Variants in CCDC91 observed in about 807,000 individuals in gnomAD.
CCDC91 encodes coiled-coil domain containing 91.
A neutral mutation model predicts 63.2 loss-of-function variants in CCDC91; 48 were observed. The ratio of observed to expected loss-of-function variants is 0.76; its 90% CI spans 0.60 to 0.97. The LOEUF (loss-of-function observed/expected upper bound fraction) is 0.97. Among genes scored for constraint, CCDC91 ranks in the 50% least tolerant of loss-of-function variants. CCDC91 has a pLI of 0.00. For synonymous variants in CCDC91, 167 were observed against 165.8 expected (o/e 1.01, Z -0.06); for missense variants, 500 against 494.6 (o/e 1.01, Z -0.10).
chr12:28,216,686 G>C (rs549560154), intron 1 of CCDC91, among the ~76,000 whole-genome samples: 1 of 151,918 alleles, frequency 6.6e-6, no homozygotes, highest in East Asian at 1.9e-4. Context: ...ACAGGCAATC[G>C]TTGAGAGCAG....
intron 6 of CCDC91, among the ~76,000 whole-genome samples, chr12:28,357,273 A>T (rs1472447996): frequency 6.6e-6 from 1 of 152,146 alleles, no homozygotes; most frequent in Non-Finnish European, 1.5e-5. Context: ...GCATATTAAG[A>T]GTATGAAACT....
intron 8 of CCDC91, among the ~76,000 whole-genome samples, chr12:28,417,470 A>G (rs1462205380): frequency 6.6e-6 from 1 of 151,958 alleles, no homozygotes; most frequent in Non-Finnish European, 1.5e-5. Context: ...TTTATTTTTC[A>G]ATAGTGTTAT....
intron 11 of CCDC91, among the ~76,000 whole-genome samples, chr12:28,466,202 C>A (rs1950542223): frequency 6.6e-6 from 1 of 152,080 alleles, no homozygotes; most frequent in South Asian, 2.1e-4. Flanking sequence ...TGAAGTATGC[C>A]TCCAGGATTT....
chr12:28,495,404 G>A (rs1952226220), intron 12 of CCDC91, among the ~76,000 whole-genome samples: 1 of 151,664 alleles, frequency 6.6e-6, no homozygotes, highest in Non-Finnish European at 1.5e-5. Flanking sequence ...ATCTGATCAA[G>A]TACCCAAAGC....
chr12:28,357,582 C>A (rs1423645092), intron 6 of CCDC91, among the ~76,000 whole-genome samples: 3 of 151,998 alleles, frequency 2.0e-5, no homozygotes, highest in Admixed American at 1.3e-4. Flanking sequence ...AGAATACATT[C>A]TAATAGCTTG....
intron 2 of CCDC91, among the ~76,000 whole-genome samples, 159 bp from the exon 3 acceptor site, chr12:28,259,205 G>A (rs1490303484): frequency 2.0e-5 from 3 of 151,858 alleles, no homozygotes; most frequent in Admixed American, 1.3e-4. Flanking sequence ...GTCATGATAG[G>A]AGTGGTAGGA....
At chr12:28,252,321 A>T (rs1338800055) in intron 1 of CCDC91, among the ~76,000 whole-genome samples, 5 of 150,642 alleles carry the variant, frequency 3.3e-5, no homozygotes, top group African/African-American at 1.2e-4. Context: ...GTTTTAGAAA[A>T]TTTTCCTGAA....
At chr12:28,202,642 C>G (rs1228076246) in intron 1 of CCDC91, among the ~76,000 whole-genome samples, 1 of 152,200 alleles carries the variant, frequency 6.6e-6, no homozygotes, top group South Asian at 2.1e-4. Flanking sequence ...CTTAGACAGG[C>G]AGTTTATAAC....
intron 3 of CCDC91, among the ~76,000 whole-genome samples, chr12:28,264,181 T>G (rs1947016562): frequency 1.3e-5 from 2 of 151,872 alleles, no homozygotes; most frequent in Admixed American, 1.3e-4. Flanking sequence ...GACTAAATTT[T>G]AGTTTAATAT....
chr12:28,358,979 T>G (rs190235893), intron 6 of CCDC91, among the ~76,000 whole-genome samples: 1 of 152,180 alleles, frequency 6.6e-6, no homozygotes. Context: ...CACCGCAACC[T>G]CCGCCTCCCG....
rs193107889 is a variant in CCDC91 at position 28,449,638 on chromosome 12, C to T, written c.763-523C>T. Reference sequence around the variant, plus strand: ...CCTGTTACATAATATTTCTTGGACTCATTTCATAGATTTAGTTTTTGAATC... The same window carrying T: ...CCTGTTACATAATATTTCTTGGACTTATTTCATAGATTTAGTTTTTGAATC... On this transcript the variant is annotated intron_variant, in intron 8 of 12. Transcript: ENST00000536442. Among the ~76,000 whole-genome samples, 153 of 152,060 alleles carry T rather than the reference C, an allele frequency of 1.0e-3. 1 individual carries two copies. Among genetic ancestry groups the T allele is most frequent in the African/African-American group, 3.6e-3 (149 of 41,558 alleles).
chr12:28,254,117 T>C (rs1421196712), intron 1 of CCDC91, among the ~76,000 whole-genome samples: 1 of 152,210 alleles, frequency 6.6e-6, no homozygotes, highest in African/African-American at 2.4e-5. Context: ...ATATCAGCAG[T>C]GTATTAAATA....
Position 28,473,601 on chromosome 12 carries a change from C to T in CCDC91, c.1102-10451C>T, listed in dbSNP as rs535672504. 4.6e-5 allele frequency among the ~76,000 whole-genome samples: 7 copies of T among 152,182 alleles called. No homozygotes were observed. The South Asian group carries it at 1.5e-3, about 32-fold the overall frequency. ...CTCACCTTTTTTGAAAAGTTTCCTA[C>T]CTATAGTTGTTCCATGCAGACTATT... On this transcript the variant is annotated intron_variant, in intron 11 of 12. Coordinates refer to ENST00000536442, the MANE Select transcript of CCDC91 (RefSeq NM_018318.5).
intron 8 of CCDC91, among the ~76,000 whole-genome samples, chr12:28,413,216 G>A (rs375404232): frequency 6.6e-6 from 1 of 152,088 alleles, no homozygotes; most frequent in Non-Finnish European, 1.5e-5. Context: ...AAATATACAT[G>A]TTAATAAACT....
At chr12:28,230,812 A>T (rs1011351486) in intron 1 of CCDC91, among the ~76,000 whole-genome samples, 4 of 151,950 alleles carry the variant, frequency 2.6e-5, no homozygotes, top group African/African-American at 9.7e-5. Flanking sequence ...TTTTGTAGTG[A>T]TGGGGTTTCA....
At chr12:28,489,689 A>G (rs1951898826) in intron 12 of CCDC91, among the ~76,000 whole-genome samples, 1 of 151,912 alleles carries the variant, frequency 6.6e-6, no homozygotes, top group Non-Finnish European at 1.5e-5. Context: ...AGAGAAGAGT[A>G]AGAAGCAATT....
In CCDC91 at chr12:28,405,057, ATTTG is replaced by A. The variant is rs199506709; in HGVS notation, c.762+13649_762+13652del. Among the ~76,000 whole-genome samples, 13 of 151,080 alleles carry A rather than the reference ATTTG, an allele frequency of 8.6e-5. No homozygotes were observed. The East Asian group carries it at 2.5e-3, about 29-fold the overall frequency. ...TCCACCATATTTGTTATTCTTTTCT[ATTTG>A]TTGCTCTTTTTTTTGGTTTCTATTT... On this transcript the variant is annotated intron_variant, in intron 8 of 12. Transcript: ENST00000536442.
chr12:28,243,953 T>C (rs1177753585), intron 1 of CCDC91, among the ~76,000 whole-genome samples: 1 of 152,164 alleles, frequency 6.6e-6, no homozygotes, highest in Non-Finnish European at 1.5e-5. Context: ...CCAAATCAAA[T>C]GAAGACACCA....
At chr12:28,374,543 G>A (rs1248377274) in intron 7 of CCDC91, among the ~76,000 whole-genome samples, 3 of 151,844 alleles carry the variant, frequency 2.0e-5, no homozygotes, top group Admixed American at 2.0e-4. Context: ...ATGGATAATC[G>A]GATAAAACAA....
Sources: gnomAD v4.1 joint callset for allele counts (sites outside exome capture counted in the v4.1 genomes callset) on GRCh38, gnomAD v4.1.1 for gene constraint, MANE v1.5 for transcripts, NCBI Gene and HGNC (gene_info 2026-07-23, HGNC 2026-07-21) for gene names.